The following NSMCE1 variants were observed in gnomAD, a reference collection of about 807,000 sequenced individuals.
NSMCE1 encodes non-structural maintenance of chromosomes element 1 homolog.
A neutral mutation model predicts 29.6 loss-of-function variants in NSMCE1; 18 were observed. That is an observed-to-expected ratio of 0.61 (90% CI 0.42 to 0.90). The LOEUF is 0.90. NSMCE1 is among the 40% of genes least tolerant of loss of function. The pLI is 0.00. For synonymous variants in NSMCE1, 124 were observed against 133.4 expected, an observed-to-expected ratio of 0.93 and a Z score of 0.49; for missense variants, 314 against 343.6, an observed-to-expected ratio of 0.91 and a Z score of 0.68.
intron 2 of NSMCE1, among the ~76,000 whole-genome samples, chr16:27,240,624 C>T (rs1364041756): frequency 6.6e-6 from 1 of 152,186 alleles, no homozygotes; most frequent in Non-Finnish European, 1.5e-5. Flanking sequence ...AGGAAATGCC[C>T]ATCAGTGGTG....
At chr16:27,247,905 C>T (rs943190579) in intron 2 of NSMCE1, among the ~76,000 whole-genome samples, 8 of 149,768 alleles carry the variant, frequency 5.3e-5, no homozygotes, top group East Asian at 3.9e-4. Context: ...CCAGCCTGGG[C>T]GACAGAGCAA....
chr16:27,225,870 G>C, intron 6 of NSMCE1, 24 bp from the exon 7 acceptor site: 1 of 1,612,888 alleles, frequency 6.2e-7, no homozygotes, highest in South Asian at 1.1e-5. Flanking sequence ...GGCCAATGAC[G>C]GCGGAGCTGG....
chr16:27,234,127 C>T (rs141814806), intron 4 of NSMCE1, 61 bp downstream of exon 4: 35 of 1,097,210 alleles, frequency 3.2e-5, no homozygotes, highest in African/African-American at 9.2e-5. Context: ...CTGCTAATGA[C>T]GGAGACAGAA....
intron 2 of NSMCE1, among the ~76,000 whole-genome samples, chr16:27,253,845 C>G (rs749335853): frequency 2.0e-5 from 3 of 152,178 alleles, no homozygotes; most frequent in Non-Finnish European, 4.4e-5. Flanking sequence ...AGGTCCCTAG[C>G]GCCATTCCGA....
In NSMCE1 at chr16:27,225,130, A is replaced by G; in HGVS notation, c.*27T>C. On this transcript the variant is annotated 3_prime_UTR_variant, in exon 8 of 8. Transcript: ENST00000361439. ...CTGTGGCGATCAGGCCACTCAAGGCAGCCAGCCCCTCAGCAGGGCACGATG... is the reference window on the plus strand; with the variant it reads ...CTGTGGCGATCAGGCCACTCAAGGCGGCCAGCCCCTCAGCAGGGCACGATG... The G allele has an allele frequency of 5.5e-6, 8 of 1,459,838 alleles. No individual in the cohort carries two copies. Among genetic ancestry groups the G allele is most frequent in the Non-Finnish European group, 7.6e-6 (8 of 1,050,732 alleles). 90.4% of individuals were successfully genotyped at this position (1,459,838 alleles called of 1,614,324 possible).
chr16:27,239,067 T>A (rs2083860650), intron 2 of NSMCE1, among the ~76,000 whole-genome samples: 1 of 152,162 alleles, frequency 6.6e-6, no homozygotes, highest in African/African-American at 2.4e-5. Context: ...AGATGGGATT[T>A]CACTATGTTG....
chr16:27,244,468 G>C (rs560905163), intron 2 of NSMCE1, among the ~76,000 whole-genome samples: 1 of 152,258 alleles, frequency 6.6e-6, no homozygotes, highest in South Asian at 2.1e-4. Flanking sequence ...CACTCAGCCT[G>C]GAAGATGTCT....
chr16:27,230,619 C>T (rs538038545), intron 5 of NSMCE1: 1 of 152,588 alleles, frequency 6.6e-6, no homozygotes, highest in South Asian at 2.1e-4. Context: ...CTGGAGGAGT[C>T]TCACCACACA....
chr16:27,260,823 C>T (rs1313116127), intron 1 of NSMCE1, among the ~76,000 whole-genome samples: 1 of 143,870 alleles, frequency 7.0e-6, no homozygotes, highest in African/African-American at 2.7e-5. Context: ...CACACCACTG[C>T]ACTCCAGGCT....
intron 2 of NSMCE1, 120 bp from the exon 3 acceptor site, chr16:27,235,419 G>C (rs938422422): frequency 1.2e-5 from 13 of 1,110,548 alleles, no homozygotes; most frequent in African/African-American, 4.7e-5. Flanking sequence ...GACATGGGTG[G>C]AGGCTGCAGC....
chr16:27,255,989 T>G (rs1000804461), intron 2 of NSMCE1, among the ~76,000 whole-genome samples: 4 of 152,184 alleles, frequency 2.6e-5, no homozygotes, highest in African/African-American at 9.7e-5. Flanking sequence ...AGGGACACCC[T>G]TTCTGGTGTC....
chr16:27,257,714 C>G, intron 1 of NSMCE1, 133 bp from the exon 2 acceptor site: 1 of 729,426 alleles, frequency 1.4e-6, no homozygotes, highest in Non-Finnish European at 2.1e-6. Context: ...CTGTTTACTA[C>G]AAAGGTGAGA....
At chr16:27,228,873 A>C (rs1406563386) in intron 5 of NSMCE1, among the ~76,000 whole-genome samples, 3 of 55,132 alleles carry the variant, frequency 5.4e-5, no homozygotes, top group African/African-American at 7.2e-5. Flanking sequence ...ATCCCCGGCC[A>C]CCGCCCTCTT....
chr16:27,265,141 G>A lies in NSMCE1; in HGVS notation c.-12+3565C>T, dbSNP rs1423737516. Among the ~76,000 whole-genome samples the A allele has an allele frequency of 2.7e-5, 4 of 148,638 alleles. 1 individual carries two copies. The highest frequency in any genetic ancestry group is 4.5e-5 in the Non-Finnish European group (3 of 67,144). On this transcript the variant is annotated intron_variant, in intron 1 of 7. Coordinates refer to ENST00000361439, the MANE Select transcript of NSMCE1 (RefSeq NM_145080.4). ...AGGCTGAAACTTTCATCTGCTGCTG[G>A]GAGAGTATAAATTCTTTTCCTTTTT...
Position 27,251,207 on chromosome 16 carries a change from T to TATATATATATAA in NSMCE1, c.136+6227_136+6228insTTATATATATAT, listed in dbSNP as rs1555477430. On this transcript the variant is annotated intron_variant, in intron 2 of 7. Transcript: ENST00000361439. Reference sequence around the variant, plus strand: ...ATATATATAAATATATATATATATATAAAACTCTGTAGAGTTCAGACTCCT... The same window carrying TATATATATATAA: ...ATATATATAAATATATATATATATATATATATATATAAAAAACTCTGTAGAGTTCAGACTCCT... 2.8e-3 allele frequency among the ~76,000 whole-genome samples: 199 copies of TATATATATATAA among 70,670 alleles called. 4 individuals are homozygous for TATATATATATAA. The highest frequency in any genetic ancestry group is 4.3e-3 in the Non-Finnish European group (148 of 34,304). 46.4% of individuals were successfully genotyped at this position (70,670 alleles called of 152,430 possible).
At chr16:27,263,411 G>C (rs1030423091) in intron 1 of NSMCE1, among the ~76,000 whole-genome samples, 4 of 152,208 alleles carry the variant, frequency 2.6e-5, no homozygotes, top group African/African-American at 9.7e-5. Flanking sequence ...GATGAAACTG[G>C]AGACTATTAT....
At chr16:27,248,677 G>A (rs950622208) in intron 2 of NSMCE1, among the ~76,000 whole-genome samples, 1 of 152,108 alleles carries the variant, frequency 6.6e-6, no homozygotes, top group African/African-American at 2.4e-5. Flanking sequence ...CCAAACTGCT[G>A]GGATTACAGG....
At chr16:27,261,319 A>G (rs1210983022) in intron 1 of NSMCE1, among the ~76,000 whole-genome samples, 1 of 151,994 alleles carries the variant, frequency 6.6e-6, no homozygotes, top group Non-Finnish European at 1.5e-5. Context: ...TTGAAAAAAC[A>G]TAATAAAAGT....
At chr16:27,227,203 C>G (rs956284377) in intron 5 of NSMCE1, among the ~76,000 whole-genome samples, 2 of 152,220 alleles carry the variant, frequency 1.3e-5, no homozygotes, top group Non-Finnish European at 2.9e-5. Context: ...GGTGCAAACC[C>G]AAACACCCAC....
Sources: allele counts gnomAD v4.1 joint callset (sites outside exome capture counted in the v4.1 genomes callset), GRCh38; gene constraint gnomAD v4.1.1; transcripts MANE v1.5; gene names NCBI Gene and HGNC (gene_info 2026-07-23, HGNC 2026-07-21).